The following TMEM135 variants were observed in gnomAD, a reference collection of about 807,000 sequenced individuals.
TMEM135 encodes the protein peroxisomal membrane protein 52.
A neutral mutation model predicts 60.3 loss-of-function variants in TMEM135; 30 were observed. The observed-to-expected ratio is 0.50, with a 90% CI of 0.37 to 0.68. TMEM135 has a LOEUF of 0.68. Among genes scored for constraint, TMEM135 ranks in the 30% least tolerant of loss-of-function variants. TMEM135 has a pLI of 0.00. For missense variants in TMEM135, 468 were observed against 548.8 expected (o/e 0.85, Z 1.47); for synonymous variants, 190 against 186.7 (o/e 1.02, Z -0.14).
At chr11:87,260,529 CTATT>C (rs915084195) in intron 6 of TMEM135, among the ~76,000 whole-genome samples, 2 of 130,478 alleles carry the variant, frequency 1.5e-5, no homozygotes, top group African/African-American at 5.3e-5. Context: ...AATTTATTAT[CTATT>C]TTTTTTTGGA....
chr11:87,306,036 C>A (rs1265358186), intron 9 of TMEM135, 31 bp downstream of exon 9: 4 of 1,335,326 alleles, frequency 3.0e-6, no homozygotes, highest in Non-Finnish European at 4.2e-6. Flanking sequence ...ACTTTATTAA[C>A]AGTAGGGAAT....
At chr11:87,054,943 C>T (rs976149536) in intron 1 of TMEM135, among the ~76,000 whole-genome samples, 5 of 152,150 alleles carry the variant, frequency 3.3e-5, no homozygotes, top group African/African-American at 1.2e-4. Context: ...CTTTCACTGT[C>T]TCTTATCTAC....
chr11:87,247,553 G>A (rs552778764), intron 6 of TMEM135, among the ~76,000 whole-genome samples: 166 of 152,254 alleles, frequency 1.1e-3, no homozygotes, highest in Admixed American at 2.9e-3. Flanking sequence ...GCAAGCCTGG[G>A]CAATGGCAGG....
chr11:87,226,537 A>G (rs983155650), intron 5 of TMEM135, among the ~76,000 whole-genome samples: 8 of 152,202 alleles, frequency 5.3e-5, no homozygotes, highest in Non-Finnish European at 1.0e-4. Flanking sequence ...GGATATAGTT[A>G]ATATTACTTA....
intron 5 of TMEM135, among the ~76,000 whole-genome samples, chr11:87,173,935 C>A (rs536333383): frequency 6.6e-6 from 1 of 152,260 alleles, no homozygotes; most frequent in Non-Finnish European, 1.5e-5. Context: ...TAATCACAAA[C>A]TTGATGTGTA....
rs1856868218 is a variant in TMEM135, at chr11:87,076,182, A to T, written c.362+4567A>T. Among the ~76,000 whole-genome samples the T allele has an allele frequency of 1.3e-5, 2 of 152,162 alleles. 1 individual carries two copies. Among genetic ancestry groups the T allele is most frequent in the South Asian group, 4.1e-4 (2 of 4,830 alleles). On this transcript the variant is annotated intron_variant, in intron 3 of 14. Coordinates refer to ENST00000305494, the MANE Select transcript of TMEM135 (RefSeq NM_022918.4). ...CAAAGATATTGTCTGGGAGCCAGGG[A>T]TAGGAGTAAGAAAAGTTTGCCTGAT...
rs1486388414 is a variant in TMEM135 at position 87,107,077 on chromosome 11, TG to T, written c.396+15685del. 3.9e-5 allele frequency among the ~76,000 whole-genome samples: 6 copies of T among 152,150 alleles called. No individual in the cohort carries two copies. In the East Asian group the frequency reaches 1.2e-3, roughly 29 times the overall value. ...ACCCCATGATACAAACACTTCCCAC[TG>T]GGCCCCACTTGTAGCATTGAGGATT... On this transcript the variant is annotated intron_variant, in intron 4 of 14. Coordinates refer to ENST00000305494, the MANE Select transcript of TMEM135 (RefSeq NM_022918.4).
chr11:87,312,536 T>C (rs990275244), intron 10 of TMEM135, among the ~76,000 whole-genome samples: 4 of 151,926 alleles, frequency 2.6e-5, no homozygotes, highest in Non-Finnish European at 5.9e-5. Flanking sequence ...CTATTAGGCT[T>C]TGTGACCATA....
chr11:87,256,327 A>C (rs1224939242), intron 6 of TMEM135, among the ~76,000 whole-genome samples: 2 of 152,320 alleles, frequency 1.3e-5, no homozygotes, highest in East Asian at 3.9e-4. Context: ...TGATTTTGAA[A>C]ATATGAGATT....
intron 1 of TMEM135, among the ~76,000 whole-genome samples, chr11:87,062,520 A>G (rs11234939): frequency 0.47 from 69,298 of 146,564 alleles, 16,870 homozygotes; most frequent in East Asian, 0.65. Context: ...TTGGAGTGCC[A>G]TGGTGTGATC....
At chr11:87,165,942 T>C (rs2135280261) in intron 5 of TMEM135, among the ~76,000 whole-genome samples, 1 of 150,514 alleles carries the variant, frequency 6.6e-6, no homozygotes, top group Non-Finnish European at 1.5e-5. Flanking sequence ...CAAACTACCA[T>C]CAGAGAATAC....
intron 7 of TMEM135, 82 bp from the exon 8 acceptor site, chr11:87,302,212 ATT>A: frequency 2.1e-6 from 3 of 1,398,730 alleles, no homozygotes; most frequent in Non-Finnish European, 3.0e-6. Context: ...GCCAAAGCGT[ATT>A]TGTTTATAAA....
At chr11:87,119,363 T>C (rs1380979845) in intron 4 of TMEM135, among the ~76,000 whole-genome samples, 3 of 152,184 alleles carry the variant, frequency 2.0e-5, no homozygotes, top group Admixed American at 2.0e-4. Context: ...TGCTGTCTTA[T>C]ATGGTTTGCA....
chr11:87,260,673 A>G (rs1325512728), intron 6 of TMEM135, among the ~76,000 whole-genome samples: 2 of 152,082 alleles, frequency 1.3e-5, no homozygotes, highest in Non-Finnish European at 2.9e-5. Context: ...ATAGGGCATT[A>G]ATTTTTTATT....
intron 7 of TMEM135, among the ~76,000 whole-genome samples, chr11:87,296,228 A>T (rs1942346099): frequency 1.3e-5 from 2 of 152,236 alleles, no homozygotes; most frequent in Admixed American, 1.3e-4. Flanking sequence ...TTTAAGTATC[A>T]CTAGAGTCTT....
rs535048079 is a variant in TMEM135, at chr11:87,222,584, A to G, written c.463-14054A>G. On this transcript the variant is annotated intron_variant, in intron 5 of 14. Coordinates refer to ENST00000305494, the MANE Select transcript of TMEM135 (RefSeq NM_022918.4). Reference sequence around the variant, plus strand: ...TTTGGGAGGCTGAGGCGGGCGGATCACCTGAGGTCAGGAGTTCGAGACCAG... The same window carrying G: ...TTTGGGAGGCTGAGGCGGGCGGATCGCCTGAGGTCAGGAGTTCGAGACCAG... Among the ~76,000 whole-genome samples the G allele has an allele frequency of 2.0e-5, 3 of 151,540 alleles. No individual in the cohort carries two copies. In the South Asian group the frequency reaches 6.3e-4, roughly 32 times the overall value.
chr11:87,192,085 G>T (rs1048783780), intron 5 of TMEM135, among the ~76,000 whole-genome samples: 2 of 144,938 alleles, frequency 1.4e-5, no homozygotes, highest in Admixed American at 7.0e-5. Context: ...GGGATCAAGC[G>T]ATCCCCCTGC....
At chr11:87,170,422 G>T (rs570716) in intron 5 of TMEM135, among the ~76,000 whole-genome samples, 55,936 of 151,956 alleles carry the variant, frequency 0.37, 10,825 homozygotes, top group East Asian at 0.67. Context: ...CTTTGTGAAT[G>T]TATCTACCTT....
chr11:87,230,364 C>T (rs1940864975), intron 5 of TMEM135, among the ~76,000 whole-genome samples: 1 of 151,978 alleles, frequency 6.6e-6, no homozygotes, highest in African/African-American at 2.4e-5. Context: ...ATTACTCATC[C>T]TTCTGAAGTA....
Sources: gnomAD v4.1 joint callset for allele counts (sites outside exome capture counted in the v4.1 genomes callset) on GRCh38, gnomAD v4.1.1 for gene constraint, MANE v1.5 for transcripts, NCBI Gene and HGNC (gene_info 2026-07-23, HGNC 2026-07-21) for gene names.